Variants in ZNF148 observed in about 807,000 individuals in gnomAD.
ZNF148 encodes the protein zinc finger protein 148.
ZNF148 carries 7 observed loss-of-function variants against 67.7 expected under a neutral mutation model. That is an observed-to-expected ratio of 0.10 (90% confidence interval 0.06 to 0.19). ZNF148 has a LOEUF of 0.19. Ranked by LOEUF, ZNF148 falls within the 10% of genes least tolerant of loss-of-function variation. The pLI, the probability that ZNF148 is intolerant of heterozygous loss-of-function variation, is 1.00. For synonymous variants in ZNF148, 333 were observed against 330.7 expected (o/e 1.01, Z -0.08); for missense variants, 583 against 947.1 (o/e 0.62, Z 5.05).
chr3:125,266,398 A>C (rs1937530556), intron 7 of ZNF148, among the ~76,000 whole-genome samples: 1 of 152,198 alleles, frequency 6.6e-6, no homozygotes, highest in Non-Finnish European at 1.5e-5. Context: ...TGGAATAAAA[A>C]TAGGTATCAA....
chr3:125,260,978 C>T (rs577163389), intron 7 of ZNF148, among the ~76,000 whole-genome samples: 13 of 152,238 alleles, frequency 8.5e-5, no homozygotes, highest in African/African-American at 2.2e-4. Context: ...CTGAATTTCT[C>T]GTCTGATTAC....
Position 125,343,191 on chromosome 3 carries a change from T to C in ZNF148, c.-233-11953A>G, listed in dbSNP as rs546359884. 3.3e-5 allele frequency among the ~76,000 whole-genome samples: 5 copies of C among 152,340 alleles called. No individual in the cohort carries two copies. The South Asian group carries it at 1.0e-3, about 32-fold the overall frequency. ...CGATGGAAAAGTAGATCCATGCTTT[T>C]ACGTGTTTTGGTTTAGTATGCAATC... On this transcript the variant is annotated intron_variant, in intron 1 of 8. Transcript: ENST00000360647.
At chr3:125,296,305 G>A (rs867312104) in intron 4 of ZNF148, among the ~76,000 whole-genome samples, 2 of 152,174 alleles carry the variant, frequency 1.3e-5, no homozygotes, top group Middle Eastern at 6.8e-3. Context: ...TGTATTTTTA[G>A]TAGAGACAGG....
intron 1 of ZNF148, among the ~76,000 whole-genome samples, chr3:125,370,226 C>A (rs939309930): frequency 6.6e-6 from 1 of 152,162 alleles, no homozygotes; most frequent in Non-Finnish European, 1.5e-5. Flanking sequence ...TACAGAACCA[C>A]TGCAATTCCA....
rs1455167148 is a variant in ZNF148, at chr3:125,233,671, C to T, written c.1055G>A (p.Ser352Asn). 1 of 1,613,822 alleles carries T rather than the reference C, an allele frequency of 6.2e-7. No individual in the cohort carries two copies. Among genetic ancestry groups the T allele is most frequent in the Non-Finnish European group, 8.5e-7 (1 of 1,179,918 alleles). The change falls in exon 9 of 9, where the codon AGT becomes AAT. Residue 352 changes from serine (S) to asparagine (N), a missense_variant. Physicochemically the swap from Ser to Asn is conservative, Grantham distance 46. Around this residue, in one of 5 missense-constraint regions of ZNF148, gnomAD observed 78 missense variants for 86.5 expected, o/e 0.90. Transcript: ENST00000360647. The surrounding 1 kb of genome is among the most constrained non-coding windows in gnomAD (Gnocchi z 5.1). ...CATATACTCATCTTTTACTTTAGTA[C>T]TTGAAGAATAAAGAGGCAAGTAATC... ...KNDYLPLYSS[S>N]TKVKDEYMVA...
At chr3:125,240,064 A>G (rs1936278464) in intron 7 of ZNF148, among the ~76,000 whole-genome samples, 1 of 152,246 alleles carries the variant, frequency 6.6e-6, no homozygotes. Context: ...TACATTTTAA[A>G]TGGGTGGGTT....
intron 1 of ZNF148, among the ~76,000 whole-genome samples, chr3:125,351,665 C>T (rs1031252270): frequency 5.9e-5 from 9 of 152,232 alleles, no homozygotes; most frequent in African/African-American, 1.4e-4. Context: ...CCTGATAAGT[C>T]TAACATCCAG....
chr3:125,238,673 T>C (rs1336198472), intron 7 of ZNF148, among the ~76,000 whole-genome samples: 3 of 152,182 alleles, frequency 2.0e-5, no homozygotes, highest in Non-Finnish European at 4.4e-5. Context: ...TTAGGAAATA[T>C]GTCTGCTGTT....
intron 1 of ZNF148, chr3:125,344,455 A>G (rs576308464): frequency 6.2e-6 from 6 of 967,322 alleles, no homozygotes; most frequent in Non-Finnish European, 6.6e-6. Context: ...TCTTCAAAGA[A>G]GTCAAATAAA....
intron 4 of ZNF148, among the ~76,000 whole-genome samples, chr3:125,299,704 T>A (rs912883991): frequency 2.6e-5 from 4 of 152,174 alleles, no homozygotes; most frequent in Non-Finnish European, 4.4e-5. Flanking sequence ...TCTACTTGCC[T>A]GTTGAGTTGA....
At chr3:125,375,002 CG>C (rs1943018805) in intron 1 of ZNF148, 99 bp downstream of exon 1, 1 of 151,742 alleles carries the variant, frequency 6.6e-6, no homozygotes, top group African/African-American at 2.4e-5. Flanking sequence ...TCGCTCCCCC[CG>C]GGGTCAGGCC....
chr3:125,248,261 T>C (rs919832907), intron 7 of ZNF148, among the ~76,000 whole-genome samples: 4 of 152,218 alleles, frequency 2.6e-5, no homozygotes, highest in African/African-American at 9.6e-5. Context: ...CTAAAAAGTA[T>C]CCTGACTTCT....
intron 1 of ZNF148, among the ~76,000 whole-genome samples, chr3:125,345,084 G>A (rs1417586492): frequency 6.6e-6 from 1 of 152,122 alleles, no homozygotes; most frequent in Non-Finnish European, 1.5e-5. Flanking sequence ...GACATATGTA[G>A]AGAATATTCC....
intron 1 of ZNF148, among the ~76,000 whole-genome samples, chr3:125,341,858 G>C (rs2107736321): frequency 6.6e-6 from 1 of 151,182 alleles, no homozygotes; most frequent in Admixed American, 6.6e-5. Context: ...AGCCAGACAT[G>C]GTGGCTTTAC....
In ZNF148 at chr3:125,298,390, TTTCA is replaced by T. The variant is rs557867621; in HGVS notation, c.334-10166_334-10163del. On this transcript the variant is annotated intron_variant, in intron 4 of 8. Transcript: ENST00000360647. ...ACACACACATGCTCCTTTCCAATTA[TTTCA>T]TTCAAACAAACCCAGTAATAACAAA... Among the ~76,000 whole-genome samples the T allele has an allele frequency of 6.8e-3, 763 of 111,596 alleles. 3 individuals are homozygous for T. The highest frequency in any genetic ancestry group is 0.02 in the Middle Eastern group (4 of 198). The allele number at this position is 111,596 out of a possible 152,430, so 73.2% of individuals were successfully genotyped here.
intron 7 of ZNF148, among the ~76,000 whole-genome samples, chr3:125,250,939 A>G (rs1466816396): frequency 6.6e-6 from 1 of 152,198 alleles, no homozygotes; most frequent in Non-Finnish European, 1.5e-5. Context: ...ACAAAAGTAG[A>G]GAACACATAA....
chr3:125,239,414 C>A (rs947546864), intron 7 of ZNF148, among the ~76,000 whole-genome samples: 1 of 152,118 alleles, frequency 6.6e-6, no homozygotes, highest in Non-Finnish European at 1.5e-5. Flanking sequence ...CCAATCAGCA[C>A]ATGAAAAGAT....
At chr3:125,264,903 A>G (rs1480099480) in intron 7 of ZNF148, among the ~76,000 whole-genome samples, 2 of 152,154 alleles carry the variant, frequency 1.3e-5, no homozygotes, top group African/African-American at 4.8e-5. Flanking sequence ...CCTTCAGGGG[A>G]AAAAAATTTA....
chr3:125,323,594 T>C (rs1003542096), intron 2 of ZNF148, 150 bp from the exon 3 acceptor site: 3 of 464,464 alleles, frequency 6.5e-6, no homozygotes, highest in African/African-American at 2.0e-5. Flanking sequence ...ACTGACTTGT[T>C]TTTATGTTTG....
Sources: gnomAD v4.1 joint callset for allele counts (sites outside exome capture counted in the v4.1 genomes callset) on GRCh38, gnomAD v4.1.1 for gene constraint, gnomAD v4.1.1 regional missense constraint, Gnocchi (gnomAD v3.1) non-coding constraint, MANE v1.5 for transcripts, NCBI Gene and HGNC (gene_info 2026-07-23, HGNC 2026-07-21) for gene names.